The following ATP2C1 variants were observed in gnomAD, a reference collection of about 807,000 sequenced individuals.
The protein encoded by ATP2C1 is ATPase secretory pathway Ca2+ transporting 1.
Under a neutral mutation model 120.5 loss-of-function variants are expected in ATP2C1, and 31 were observed. The ratio of observed to expected loss-of-function variants is 0.26; its 90% CI spans 0.19 to 0.35. The LOEUF (loss-of-function observed/expected upper bound fraction) is 0.35. ATP2C1 is among the 10% of genes least tolerant of loss of function. ATP2C1 has a pLI of 1.00. For missense variants in ATP2C1, 731 were observed against 1,107.5 expected (o/e 0.66, Z 4.83); for synonymous variants, 351 against 358.7 (o/e 0.98, Z 0.24).
At chr3:130,899,804 A>G (rs2069987887) in intron 2 of ATP2C1, among the ~76,000 whole-genome samples, 1 of 152,196 alleles carries the variant, frequency 6.6e-6, no homozygotes, top group African/African-American at 2.4e-5. Flanking sequence ...CAGAAGCATT[A>G]TCTTAAGATG....
At chr3:130,987,691 AG>A (rs1410322730) in intron 20 of ATP2C1, among the ~76,000 whole-genome samples, 1 of 152,234 alleles carries the variant, frequency 6.6e-6, no homozygotes, top group Admixed American at 6.5e-5. Flanking sequence ...CAAATAAAAC[AG>A]ACCTTTTGTT....
upstream of ATP2C1, among the ~76,000 whole-genome samples, chr3:130,891,679 T>C (rs1209741830): frequency 5.9e-5 from 9 of 152,216 alleles, no homozygotes; most frequent in Admixed American, 5.9e-4. Context: ...AATCTTATAC[T>C]TCTATAGTGC....
At chr3:130,906,479 A>G (rs1346083455) in intron 2 of ATP2C1, among the ~76,000 whole-genome samples, 1 of 152,024 alleles carries the variant, frequency 6.6e-6, no homozygotes, top group African/African-American at 2.4e-5. Context: ...GTGAGCATTC[A>G]TGTATGGGTT....
intron 2 of ATP2C1, among the ~76,000 whole-genome samples, chr3:130,925,955 A>C (rs1278601729): frequency 6.6e-6 from 1 of 152,152 alleles, no homozygotes; most frequent in African/African-American, 2.4e-5. Context: ...CTGTGGTCTT[A>C]AAGGCTGGTC....
At chr3:130,886,402 T>C (rs1400410833) in intron 1 of ATP2C1, among the ~76,000 whole-genome samples, 1 of 152,184 alleles carries the variant, frequency 6.6e-6, no homozygotes, top group Admixed American at 6.5e-5. Flanking sequence ...AGTTTTCTGG[T>C]ATCATCCCTT....
In ATP2C1 at chr3:130,959,260, T is replaced by G; in HGVS notation, c.833-15T>G. The G allele has an allele frequency of 6.3e-7, 1 of 1,586,336 alleles. No homozygotes were observed. Among genetic ancestry groups the G allele is most frequent in the Non-Finnish European group, 8.7e-7 (1 of 1,155,554 alleles). On this transcript the variant is annotated splice_polypyrimidine_tract_variant and intron_variant, in intron 11 of 27. Transcript: ENST00000510168. Reference sequence around the variant, plus strand: ...GTATGTAAAAGGGAAAAATAACTATTTAATTATCTTTCAGGAATCATCATG... The same window carrying G: ...GTATGTAAAAGGGAAAAATAACTATGTAATTATCTTTCAGGAATCATCATG...
intron 6 of ATP2C1, among the ~76,000 whole-genome samples, chr3:130,939,823 T>G (rs550510982): frequency 6.6e-6 from 1 of 152,342 alleles, no homozygotes; most frequent in South Asian, 2.1e-4. Flanking sequence ...ACATTTTGAC[T>G]AGTACTAGCA....
chr3:130,990,591 A>C (rs2062284462), intron 20 of ATP2C1, among the ~76,000 whole-genome samples: 1 of 152,126 alleles, frequency 6.6e-6, no homozygotes, highest in East Asian at 1.9e-4. Flanking sequence ...GAGAGATGTG[A>C]AATCATTTGA....
chr3:130,998,813 G>A (rs1174842631), intron 26 of ATP2C1, among the ~76,000 whole-genome samples: 4 of 152,212 alleles, frequency 2.6e-5, no homozygotes, highest in Middle Eastern at 3.4e-3. Context: ...CTGTGTCAAA[G>A]CTTAGGACAT....
chr3:130,897,659 G>C (rs1205964348), intron 2 of ATP2C1, among the ~76,000 whole-genome samples: 1 of 152,092 alleles, frequency 6.6e-6, no homozygotes, highest in African/African-American at 2.4e-5. Flanking sequence ...TCCATGTGTT[G>C]GTTCCTTCAG....
intron 10 of ATP2C1, 138 bp from the exon 11 acceptor site, chr3:130,955,966 A>G: frequency 1.5e-6 from 1 of 663,144 alleles, no homozygotes; most frequent in African/African-American, 1.8e-5. Context: ...TTCTCAGTGA[A>G]GGTGATTATT....
chr3:130,980,429 A>G, intron 19 of ATP2C1, 153 bp from the exon 20 acceptor site: 1 of 617,460 alleles, frequency 1.6e-6, no homozygotes, highest in Admixed American at 2.7e-5. Context: ...CAAACATAAA[A>G]CTCCAGACTT....
At chr3:130,912,865 A>G (rs1291902792) in intron 2 of ATP2C1, among the ~76,000 whole-genome samples, 8 of 152,162 alleles carry the variant, frequency 5.3e-5, no homozygotes, top group Non-Finnish European at 1.0e-4. Flanking sequence ...AATGCCCAAC[A>G]ATGATAGACT....
chr3:131,014,038 G>T, intron 26 of ATP2C1: 1 of 1,507,892 alleles, frequency 6.6e-7, no homozygotes, highest in Non-Finnish European at 9.0e-7. Context: ...AATACATCTA[G>T]TTTGATGCAA....
chr3:130,911,159 T>C, intron 2 of ATP2C1, among the ~76,000 whole-genome samples: 1 of 141,842 alleles, frequency 7.1e-6, no homozygotes, highest in African/African-American at 2.6e-5. Context: ...ATTCAACTTC[T>C]TCCTGGTTTA....
intron 1 of ATP2C1, among the ~76,000 whole-genome samples, chr3:130,855,219 C>T (rs1196360277): frequency 6.6e-6 from 1 of 152,178 alleles, no homozygotes; most frequent in African/African-American, 2.4e-5. Context: ...ATCTGTGTCT[C>T]CTGTAGCAGT....
intron 2 of ATP2C1, among the ~76,000 whole-genome samples, chr3:130,907,305 G>A (rs902358057): frequency 6.6e-5 from 10 of 152,052 alleles, no homozygotes; most frequent in African/African-American, 2.4e-4. Context: ...AAATTGTGAT[G>A]AAGTCCAATT....
intron 1 of ATP2C1, among the ~76,000 whole-genome samples, chr3:130,857,025 T>A (rs1025780645): frequency 6.6e-6 from 1 of 152,160 alleles, no homozygotes; most frequent in Admixed American, 6.5e-5. Context: ...TGTGGAGGAA[T>A]TTGTATAATT....
chr3:130,940,493 TG>T, intron 6 of ATP2C1, 136 bp from the exon 7 acceptor site: 1 of 659,956 alleles, frequency 1.5e-6, no homozygotes. Context: ...CAAGCTTTTC[TG>T]GGTAAGAATA....
Sources: gnomAD v4.1 joint callset for allele counts (sites outside exome capture counted in the v4.1 genomes callset) on GRCh38, gnomAD v4.1.1 for gene constraint, MANE v1.5 for transcripts, NCBI Gene and HGNC (gene_info 2026-07-23, HGNC 2026-07-21) for gene names.